Variants in BRINP2 observed in about 807,000 individuals in gnomAD.
BRINP2 encodes the protein BMP/retinoic acid inducible neural specific 2, also known as BMP/retinoic acid-inducible neural-specific protein 2.
In BRINP2, 21 loss-of-function variants were observed where a neutral mutation model predicts 69.2. The observed-to-expected ratio is 0.30, with a 90% confidence interval of 0.22 to 0.44. The LOEUF (loss-of-function observed/expected upper bound fraction) is 0.44. Among genes scored for constraint, BRINP2 ranks in the 20% least tolerant of loss-of-function variants. The pLI is 1.00. For synonymous variants in BRINP2, 380 were observed against 394.1 expected (o/e 0.96, Z 0.42); for missense variants, 877 against 986.0 (o/e 0.89, Z 1.48).
At chr1:177,213,414 C>A (rs1015875834) in intron 1 of BRINP2, among the ~76,000 whole-genome samples, 2 of 152,032 alleles carry the variant, frequency 1.3e-5, no homozygotes, top group African/African-American at 4.8e-5. Context: ...GCAAAATCAC[C>A]CCTTCTCCTT....
intron 5 of BRINP2, among the ~76,000 whole-genome samples, chr1:177,274,112 G>A (rs1651419838): frequency 6.6e-6 from 1 of 152,172 alleles, no homozygotes; most frequent in Non-Finnish European, 1.5e-5. Flanking sequence ...CTGTGATCTT[G>A]CACATGGGCA....
intron 2 of BRINP2, among the ~76,000 whole-genome samples, chr1:177,231,049 C>T (rs1447034520): frequency 6.6e-6 from 1 of 152,188 alleles, no homozygotes; most frequent in Non-Finnish European, 1.5e-5. Flanking sequence ...AAACACAAAA[C>T]CATCCATTCT....
chr1:177,189,052 C>T (rs762684026), intron 1 of BRINP2, among the ~76,000 whole-genome samples: 7 of 152,104 alleles, frequency 4.6e-5, no homozygotes, highest in Non-Finnish European at 1.0e-4. Flanking sequence ...GGCCAGGCTA[C>T]AGGAAGATGA....
chr1:177,219,683 A>T (rs1393756090), intron 1 of BRINP2, among the ~76,000 whole-genome samples: 1 of 152,214 alleles, frequency 6.6e-6, no homozygotes, highest in Non-Finnish European at 1.5e-5. Flanking sequence ...CTTGGGCTAA[A>T]AGTTCAGATT....
At chr1:177,208,664 C>T (rs1196430494) in intron 1 of BRINP2, among the ~76,000 whole-genome samples, 2 of 151,954 alleles carry the variant, frequency 1.3e-5, no homozygotes, top group Admixed American at 1.3e-4. Flanking sequence ...TGTCCTTTAA[C>T]TGTTATTTCC....
chr1:177,256,931 A>G, intron 3 of BRINP2: 1 of 1,351,802 alleles, frequency 7.4e-7, no homozygotes, highest in Non-Finnish European at 9.6e-7. Flanking sequence ...GAAGATGTTA[A>G]ACAGATAAGC....
At chr1:177,264,182 T>A (rs895743691) in intron 4 of BRINP2, among the ~76,000 whole-genome samples, 5 of 152,206 alleles carry the variant, frequency 3.3e-5, no homozygotes, top group African/African-American at 1.2e-4. Flanking sequence ...AGATCCCATT[T>A]ATGTTCCTTC....
chr1:177,255,500 C>A (rs951367032), intron 2 of BRINP2, among the ~76,000 whole-genome samples: 1 of 152,244 alleles, frequency 6.6e-6, no homozygotes. Context: ...AGCTTCCTGA[C>A]TTCACAGGTG....
At chr1:177,266,989 C>G (rs1013570120) in intron 4 of BRINP2, among the ~76,000 whole-genome samples, 2 of 152,034 alleles carry the variant, frequency 1.3e-5, no homozygotes, top group African/African-American at 4.8e-5. Context: ...CTATGATTTC[C>G]CACTAAAAGT....
intron 1 of BRINP2, among the ~76,000 whole-genome samples, chr1:177,172,042 T>C (rs1221546097): frequency 6.6e-6 from 1 of 152,222 alleles, no homozygotes; most frequent in African/African-American, 2.4e-5. Flanking sequence ...GCAACTCCTA[T>C]TAGCTTCAGA....
intron 4 of BRINP2, among the ~76,000 whole-genome samples, chr1:177,266,438 C>T (rs1651123593): frequency 6.6e-6 from 1 of 152,002 alleles, no homozygotes; most frequent in Non-Finnish European, 1.5e-5. Flanking sequence ...ACCTGAATGG[C>T]TCCCCCTCAC....
Position 177,281,723 on chromosome 1 carries a change from C to G in BRINP2, c.*195C>G. The G allele has an allele frequency of 6.0e-6, 3 of 504,132 alleles. No individual in the cohort carries two copies. The highest frequency in any genetic ancestry group is 6.8e-6 in the Non-Finnish European group (2 of 292,670). 31.2% of individuals were successfully genotyped at this position (504,132 alleles called of 1,614,324 possible). On this transcript the variant is annotated 3_prime_UTR_variant, in exon 8 of 8. Transcript: ENST00000361539. ...CTGCGTGCGTGCGCGCACGCATACA[C>G]ACACACACACACACACTGGCACAGG...
intron 1 of BRINP2, among the ~76,000 whole-genome samples, chr1:177,198,534 A>G (rs1334158186): frequency 6.6e-6 from 1 of 152,196 alleles, no homozygotes; most frequent in East Asian, 1.9e-4. Flanking sequence ...ATCATGTGGG[A>G]GTTCAGAACC....
At position 177,280,407 on chromosome 1, in the gene BRINP2, C is replaced by T. The variant is rs758937117; in HGVS notation, c.1236-5C>T. The T allele has an allele frequency of 6.3e-7, 1 of 1,589,602 alleles. No homozygotes were observed. The highest frequency in any genetic ancestry group is 8.6e-7 in the Non-Finnish European group (1 of 1,167,130). Reference sequence around the variant, plus strand: ...TCTTACTTCATTTTATCTCTGCTCCCCAAGGTCCTTGTCCTACTGGTGGAA... The same window carrying T: ...TCTTACTTCATTTTATCTCTGCTCCTCAAGGTCCTTGTCCTACTGGTGGAA... On this transcript the variant is annotated splice_region_variant and splice_polypyrimidine_tract_variant and intron_variant, in intron 7 of 7. Transcript: ENST00000361539.
At chr1:177,220,377 A>G (rs995984875) in intron 1 of BRINP2, among the ~76,000 whole-genome samples, 2 of 152,062 alleles carry the variant, frequency 1.3e-5, no homozygotes, top group Non-Finnish European at 2.9e-5. Context: ...TCCTTTGGTG[A>G]TAAGTGAGCT....
At chr1:177,247,328 A>G (rs1289498297) in intron 2 of BRINP2, among the ~76,000 whole-genome samples, 1 of 152,256 alleles carries the variant, frequency 6.6e-6, no homozygotes, top group South Asian at 2.1e-4. Flanking sequence ...TCTCCAAGAC[A>G]AAGGCTCTGA....
At chr1:177,252,917 C>T (rs982501864) in intron 2 of BRINP2, among the ~76,000 whole-genome samples, 1 of 152,136 alleles carries the variant, frequency 6.6e-6, no homozygotes, top group Admixed American at 6.5e-5. Flanking sequence ...CTTTTCACAG[C>T]TGAGTAGTAT....
At position 177,201,966 on chromosome 1, in the gene BRINP2, A is replaced by C. The variant is rs59875966; in HGVS notation, c.-76-27835A>C. Among the ~76,000 whole-genome samples the C allele has an allele frequency of 5.0e-3, 766 of 152,282 alleles. 6 individuals are homozygous for C. Among genetic ancestry groups the C allele is most frequent in the African/African-American group, 0.018 (732 of 41,540 alleles). Reference sequence around the variant, plus strand: ...GTCGAGGAATTTATCCATTTCTTCTAGATTTTCTAGTTTATTTGCGTAGAG... The same window carrying C: ...GTCGAGGAATTTATCCATTTCTTCTCGATTTTCTAGTTTATTTGCGTAGAG... On this transcript the variant is annotated intron_variant, in intron 1 of 7. Transcript: ENST00000361539.
intron 3 of BRINP2, 190 bp from the exon 4 acceptor site, chr1:177,256,986 C>T (rs1650784427): frequency 6.1e-6 from 9 of 1,484,956 alleles, no homozygotes; most frequent in South Asian, 3.8e-5. Flanking sequence ...TTTCAGGCAG[C>T]GAGGCCGCTG....
Sources: allele counts gnomAD v4.1 joint callset (sites outside exome capture counted in the v4.1 genomes callset), GRCh38; gene constraint gnomAD v4.1.1; transcripts MANE v1.5; gene names NCBI Gene and HGNC (gene_info 2026-07-23, HGNC 2026-07-21).